The following GRM6 variants were observed in gnomAD, a reference collection of about 807,000 sequenced individuals.
The protein encoded by GRM6 is metabotropic glutamate receptor 6.
GRM6 carries 73 observed loss-of-function variants against 78.4 expected under a neutral mutation model. The ratio of observed to expected loss-of-function variants is 0.93; its 90% CI spans 0.77 to 1.13. The LOEUF (loss-of-function observed/expected upper bound fraction) is 1.13. Ranked by LOEUF, GRM6 falls within the 50% of genes most tolerant of loss-of-function variation. The pLI, the probability that GRM6 is intolerant of heterozygous loss-of-function variation, is 0.00. For synonymous variants in GRM6, 580 were observed against 555.0 expected (o/e 1.05, Z -0.63); for missense variants, 1,251 against 1,256.4 (o/e 1.00, Z 0.07).
In GRM6 at chr5:178,989,102, T is replaced by C; in HGVS notation, c.1187A>G (p.Glu396Gly). 1 of 1,614,054 alleles carries C rather than the reference T, an allele frequency of 6.2e-7. No homozygotes were observed. The highest frequency in any genetic ancestry group is 2.2e-5 in the East Asian group (1 of 44,846). ...CACAAACTGCACCTTGCCCTCCTGC[T>C]CGTAGGTGGAGTCCCGGCCGATGCG... ...EERIGRDSTY[E>G]QEGKVQFVID... Residue 396 changes from glutamate (E) to glycine (G), a missense_variant, in exon 7 of 11, where the codon GAG becomes GGG. Coordinates refer to ENST00000517717, the MANE Select transcript of GRM6 (RefSeq NM_000843.4).
At position 178,986,120 on chromosome 5, in the gene GRM6, A is replaced by G. The variant is rs754062865; in HGVS notation, c.2124+10T>C. The stretch of plus-strand genomic sequence containing the variant: ...TCCCTGCCCTGGCCCTTGGGAGCCT[A>G]CGGACCCACCTGCAGGGAGGTGAGG... On this transcript the variant is annotated intron_variant, in intron 9 of 10. Transcript: ENST00000517717. The G allele has an allele frequency of 6.2e-7, 1 of 1,611,852 alleles. No homozygotes were observed. Among genetic ancestry groups the G allele is most frequent in the South Asian group, 1.1e-5 (1 of 90,736 alleles).
At position 178,990,572 on chromosome 5, in the gene GRM6, T is replaced by G; in HGVS notation, c.1012+20A>C. 6.2e-7 allele frequency: 1 copy of G among 1,603,142 alleles called. No individual in the cohort carries two copies. The highest frequency in any genetic ancestry group is 8.5e-7 in the Non-Finnish European group (1 of 1,171,022). ...CTGGGGAGACGTGTGGGGTGGGGGA[T>G]GGAGTGCCCCTGGACTCACCGTCGA... On this transcript the variant is annotated intron_variant, in intron 5 of 10. Coordinates refer to ENST00000517717, the MANE Select transcript of GRM6 (RefSeq NM_000843.4).
In GRM6 at chr5:178,994,818, C is replaced by A. The variant is rs1211186758; in HGVS notation, c.127G>T (p.Gly43Cys). 1.9e-5 allele frequency: 24 copies of A among 1,254,870 alleles called. No homozygotes were observed. Among genetic ancestry groups the A allele is most frequent in the Non-Finnish European group, 2.3e-5 (23 of 1,000,088 alleles). 77.7% of individuals were successfully genotyped at this position (1,254,870 alleles called of 1,614,324 possible). Reference sequence around the variant, plus strand: ...CCCCGCGCGTGCACCGGGAACAGGCCGCCCAGCGTCAGGCCGCCCGCCAGG... The same window carrying A: ...CCCCGCGCGTGCACCGGGAACAGGCAGCCCAGCGTCAGGCCGCCCGCCAGG... ...VRLAGGLTLG[G>C]LFPVHARGAA... Residue 43 changes from glycine (G) to cysteine (C), a missense_variant, in exon 2 of 11, where the codon GGC becomes TGC. Transcript: ENST00000517717.
chr5:178,987,856 TTCAAGCAATTC>T (rs1305889329), intron 7 of GRM6, among the ~76,000 whole-genome samples: 16 of 149,574 alleles, frequency 1.1e-4, no homozygotes, highest in Admixed American at 4.7e-4. Flanking sequence ...GCCTCCCGGG[TTCAAGCAATTC>T]TCCTGTCTCA....
intron 9 of GRM6, among the ~76,000 whole-genome samples, chr5:178,983,908 G>A (rs1291950004): frequency 6.6e-6 from 1 of 152,216 alleles, no homozygotes; most frequent in Non-Finnish European, 1.5e-5. Context: ...TTCACTGTAC[G>A]AGAGCGCCTG....
At position 178,991,781 on chromosome 5, in the gene GRM6, C is replaced by T. The variant is rs1158291005; in HGVS notation, c.721+86G>A. 3.2e-6 allele frequency: 4 copies of T among 1,247,912 alleles called. No homozygotes were observed. Among genetic ancestry groups the T allele is most frequent in the East Asian group, 2.4e-5 (1 of 40,926 alleles). 77.3% of individuals were successfully genotyped at this position (1,247,912 alleles called of 1,614,324 possible). A position where few individuals can be genotyped will look rare whatever the true frequency, so the allele number is the denominator to read the frequency against. On this transcript the variant is annotated intron_variant, in intron 3 of 10. Coordinates refer to ENST00000517717, the MANE Select transcript of GRM6 (RefSeq NM_000843.4). This position sits in a 1 kb window ranked among gnomAD's most constrained non-coding sequence, Gnocchi z 5.0. The stretch of plus-strand genomic sequence containing the variant: ...AACCTCGGCCCAGCATGGACCTGGG[C>T]CCCCCATCTTTCTGCTTCTGCCCCA...
chr5:178,983,580 G>A (rs1446932384), intron 9 of GRM6: 1 of 435,636 alleles, frequency 2.3e-6, no homozygotes, highest in Admixed American at 2.6e-5. Flanking sequence ...AAGGTAGATG[G>A]ATGTGGCCGG....
In GRM6 at chr5:178,986,900, C is replaced by T. The variant is rs921298661; in HGVS notation, c.1438G>A (p.Gly480Ser). 6.2e-6 allele frequency: 10 copies of T among 1,614,074 alleles called. No individual in the cohort carries two copies. Among genetic ancestry groups the T allele is most frequent in the Non-Finnish European group, 7.6e-6 (9 of 1,180,048 alleles). ...YDIFQYQATNGSASSGGYQAV... is the reference protein window; with the variant it reads ...YDIFQYQATNSSASSGGYQAV... ...TGGTACCCGCCACTGCTGGCACTGC[C>T]ATTGGTCGCCTGGTACTGGAAGATG... The change falls in exon 8 of 11, where the codon GGC becomes AGC. Residue 480 changes from glycine to serine, a missense_variant. Physicochemically the swap from Gly to Ser is moderately conservative, Grantham distance 56. Transcript: ENST00000517717.
Position 178,984,109 on chromosome 5 carries a change from C to T in GRM6, c.2125-888G>A, listed in dbSNP as rs76723321. Reference sequence around the variant, plus strand: ...AAGGACCTTCCAAATAAGTGGATCACGAGGTCAGGAGATCGAGACCAACTT... The same window carrying T: ...AAGGACCTTCCAAATAAGTGGATCATGAGGTCAGGAGATCGAGACCAACTT... On this transcript the variant is annotated intron_variant, in intron 9 of 10. Transcript: ENST00000517717. Among the ~76,000 whole-genome samples, 1,295 of 152,056 alleles carry T rather than the reference C, an allele frequency of 8.5e-3. 16 individuals carry two copies. The highest frequency in any genetic ancestry group is 0.014 in the Non-Finnish European group (922 of 68,002).
In GRM6 at chr5:178,981,603, G is replaced by A. The variant is rs1310929492; in HGVS notation, c.*54C>T. On this transcript the variant is annotated 3_prime_UTR_variant, in exon 11 of 11. Transcript: ENST00000517717. The surrounding 1 kb of genome is among the most constrained non-coding windows in gnomAD (Gnocchi z 5.1). ...CCGGGCTCTATACAGCTTCCACCTC[G>A]AGGCAAGAGGAAGAAAGGAGAGGCA... The A allele has an allele frequency of 2.4e-5, 34 of 1,394,500 alleles. No homozygotes were observed. The highest frequency in any genetic ancestry group is 1.9e-4 in the Middle Eastern group (1 of 5,272). 86.4% of individuals were successfully genotyped at this position (1,394,500 alleles called of 1,614,324 possible).
At chr5:178,986,085 A>G in intron 9 of GRM6, 45 bp downstream of exon 9, 1 of 1,575,526 alleles carries the variant, frequency 6.3e-7, no homozygotes, top group Non-Finnish European at 8.6e-7. Context: ...AACGTTGCGG[A>G]CAGTCCCCCT....
chr5:178,992,221 G>T lies in GRM6; in HGVS notation c.505-138C>A. The T allele has an allele frequency of 5.6e-6, 4 of 717,728 alleles. No homozygotes were observed. Among genetic ancestry groups the T allele is most frequent in the Non-Finnish European group, 1.0e-5 (4 of 401,144 alleles). The allele number at this position is 717,728 out of a possible 1,614,324, so 44.5% of individuals were successfully genotyped here. ...TGGGACACAGATGGGAGATGGAAGG[G>T]TTGGGGTGGGGACCTGGGGCCAGCT... On this transcript the variant is annotated intron_variant, in intron 2 of 10. Transcript: ENST00000517717. This position sits in a 1 kb window ranked among gnomAD's most constrained non-coding sequence, Gnocchi z 4.9.
intron 9 of GRM6, chr5:178,985,478 C>T (rs111895776): frequency 0.01 from 3,554 of 339,326 alleles, 56 homozygotes; most frequent in African/African-American, 0.038. Flanking sequence ...CCGAGGTGGG[C>T]GGATCACGAG....
At position 178,986,350 on chromosome 5, in the gene GRM6, T is replaced by C. The variant is rs1366404287; in HGVS notation, c.1904A>G (p.Tyr635Cys). The change falls in exon 9 of 11, where the codon TAC (tyrosine) becomes TGC (cysteine). Residue 635 changes from tyrosine (Y) to cysteine (C), a missense_variant. Tyr to Cys is a radical substitution (Grantham distance 194). Transcript: ENST00000517717. ...YVLLTGIFLI[Y>C]AITFLMVAEP... ...AGCCACCATGAGGAAGGTGATGGCG[T>C]AGATGAGGAAGATGCCGGTGAGGAG... 6.2e-7 allele frequency: 1 copy of C among 1,613,978 alleles called. No homozygotes were observed. The highest frequency in any genetic ancestry group is 8.5e-7 in the Non-Finnish European group (1 of 1,179,996).
chr5:178,981,237 T>G lies in GRM6; in HGVS notation c.*420A>C. The G allele has an allele frequency of 5.0e-6, 1 of 198,478 alleles. No homozygotes were observed. Among genetic ancestry groups the G allele is most frequent in the Non-Finnish European group, 1.0e-5 (1 of 96,338 alleles). The allele number at this position is 198,478 out of a possible 1,614,324, so 12.3% of individuals were successfully genotyped here. A position where few individuals can be genotyped will look rare whatever the true frequency, so the allele number is the denominator to read the frequency against. ...CAGCTCCTCCTCCACTCCAACCCCA[T>G]GTTTCATTCTGGGGTCTACACGTTC... On this transcript the variant is annotated 3_prime_UTR_variant, in exon 11 of 11. Coordinates refer to ENST00000517717, the MANE Select transcript of GRM6 (RefSeq NM_000843.4). This position sits in a 1 kb window ranked among gnomAD's most constrained non-coding sequence, Gnocchi z 5.1.
chr5:178,985,417 A>C (rs1760492895), intron 9 of GRM6: 3 of 362,544 alleles, frequency 8.3e-6, no homozygotes, highest in Admixed American at 3.9e-5. Flanking sequence ...AAAAAAAAAA[A>C]AACTCACTGG....
chr5:178,981,778 G>T lies in GRM6; in HGVS notation c.2513C>A (p.Pro838His). 1 of 1,612,854 alleles carries T rather than the reference G, an allele frequency of 6.2e-7. No individual in the cohort carries two copies. The highest frequency in any genetic ancestry group is 8.5e-7 in the Non-Finnish European group (1 of 1,178,826). Residue 838 changes from proline (P) to histidine (H), a missense_variant, in exon 11 of 11, where the codon CCC becomes CAC. Pro to His is a moderately conservative substitution (Grantham distance 77, BLOSUM62 -2). Transcript: ENST00000517717. This position sits in a 1 kb window ranked among gnomAD's most constrained non-coding sequence, Gnocchi z 5.1. ...ASVSLGMLYV[P>H]KTYVILFHPE... is the part of the protein sequence containing the mutation. ...ATGGAAGAGGATGACGTAGGTTTTGGGTACGTAGAGCATGCCGAGGGACAC... is the reference window on the plus strand; with the variant it reads ...ATGGAAGAGGATGACGTAGGTTTTGTGTACGTAGAGCATGCCGAGGGACAC...
chr5:178,981,601 T>A lies in GRM6; in HGVS notation c.*56A>T. 1 of 1,396,118 alleles carries A rather than the reference T, an allele frequency of 7.2e-7. No homozygotes were observed. The highest frequency in any genetic ancestry group is 1.0e-6 in the Non-Finnish European group (1 of 985,214). The allele number at this position is 1,396,118 out of a possible 1,614,324, so 86.5% of individuals were successfully genotyped here. On this transcript the variant is annotated 3_prime_UTR_variant, in exon 11 of 11. Transcript: ENST00000517717. The surrounding 1 kb of genome is among the most constrained non-coding windows in gnomAD (Gnocchi z 5.1). Reference sequence around the variant, plus strand: ...ACCCGGGCTCTATACAGCTTCCACCTCGAGGCAAGAGGAAGAAAGGAGAGG... The same window carrying A: ...ACCCGGGCTCTATACAGCTTCCACCACGAGGCAAGAGGAAGAAAGGAGAGG...
At chr5:178,989,210 CACCCTCACCA>C in intron 6 of GRM6, 45 bp downstream of exon 6, 2 of 269,408 alleles carry the variant, frequency 7.4e-6, no homozygotes, top group Non-Finnish European at 5.8e-6. Context: ...TCCCCCTCCC[CACCCTCACCA>C]CCCTCCCCAC....
Sources: gnomAD v4.1 joint callset for allele counts (sites outside exome capture counted in the v4.1 genomes callset) on GRCh38, gnomAD v4.1.1 for gene constraint, Gnocchi (gnomAD v3.1) non-coding constraint, MANE v1.5 for transcripts, NCBI Gene and HGNC (gene_info 2026-07-23, HGNC 2026-07-21) for gene names.